The following PPP1CB variants were observed in gnomAD, a reference collection of about 807,000 sequenced individuals.
The protein encoded by PPP1CB is protein phosphatase 1 catalytic subunit beta.
A neutral mutation model predicts 43.7 loss-of-function variants in PPP1CB; 2 were observed. The observed-to-expected ratio is 0.05, with a 90% confidence interval of 0.02 to 0.14. The LOEUF (loss-of-function observed/expected upper bound fraction) is 0.14. PPP1CB is among the 10% of genes least tolerant of loss of function. PPP1CB has a pLI of 1.00. For synonymous variants in PPP1CB, 136 were observed against 135.6 expected, an observed-to-expected ratio of 1.00 and a Z score of -0.02; for missense variants, 84 against 398.0, an observed-to-expected ratio of 0.21 and a Z score of 6.71.
chr2:28,752,354 G>C (rs974412235), intron 1 of PPP1CB, among the ~76,000 whole-genome samples, 178 bp downstream of exon 1: 5 of 152,136 alleles, frequency 3.3e-5, no homozygotes, highest in African/African-American at 1.2e-4. Flanking sequence ...GCGGGGGAGC[G>C]GCCTCTGGGA....
At chr2:28,795,141 G>T (rs184670149) in intron 7 of PPP1CB, among the ~76,000 whole-genome samples, 1 of 152,294 alleles carries the variant, frequency 6.6e-6, no homozygotes, top group Non-Finnish European at 1.5e-5. Flanking sequence ...AAGGCCTCCA[G>T]CTGCATCCAT....
chr2:28,752,933 C>A (rs1347813654), intron 1 of PPP1CB, among the ~76,000 whole-genome samples: 1 of 152,170 alleles, frequency 6.6e-6, no homozygotes, highest in Non-Finnish European at 1.5e-5. Context: ...ATTTTTAAAG[C>A]CTGTCTTGTA....
At chr2:28,783,462 A>C (rs1667196289) in intron 4 of PPP1CB, among the ~76,000 whole-genome samples, 1 of 152,172 alleles carries the variant, frequency 6.6e-6, no homozygotes, top group Non-Finnish European at 1.5e-5. Flanking sequence ...GTTGCCCTTT[A>C]AGACATTAAA....
chr2:28,799,143 T>A (rs113619485), intron 7 of PPP1CB, 56 bp from the exon 8 acceptor site: 3 of 1,228,574 alleles, frequency 2.4e-6, no homozygotes, highest in Non-Finnish European at 3.5e-6. Context: ...TTGTAACAAT[T>A]TTCTTAACTT....
intron 5 of PPP1CB, among the ~76,000 whole-genome samples, chr2:28,784,738 A>G (rs1404664477): frequency 6.6e-6 from 1 of 151,692 alleles, no homozygotes; most frequent in Non-Finnish European, 1.5e-5. Flanking sequence ...GGCCAACGTG[A>G]TGAAACCCCA....
At chr2:28,798,817 AAGGTCTGAAGGGTTTGTGACTTGT>A (rs2148063711) in intron 7 of PPP1CB, among the ~76,000 whole-genome samples, 1 of 152,082 alleles carries the variant, frequency 6.6e-6, no homozygotes, top group East Asian at 1.9e-4. Flanking sequence ...ATAAATAAAT[AAGGTCTGAAGGGTTTGTGACTTGT>A]AGGTTAGTTA....
At chr2:28,797,618 A>T (rs1188145446) in intron 7 of PPP1CB, among the ~76,000 whole-genome samples, 1 of 152,044 alleles carries the variant, frequency 6.6e-6, no homozygotes, top group Non-Finnish European at 1.5e-5. Flanking sequence ...TAGGTTTCCT[A>T]GTTTGTGTGC....
chr2:28,788,832 G>T, intron 6 of PPP1CB, 23 bp downstream of exon 6: 1 of 1,563,724 alleles, frequency 6.4e-7, no homozygotes, highest in Non-Finnish European at 8.6e-7. Flanking sequence ...AAACTCTTAA[G>T]CTTTTTCTTT....
rs189146287 is a variant in PPP1CB, at chr2:28,764,384, C to T, written c.52+12208C>T. Reference sequence around the variant, plus strand: ...CTGAGGCAGGAGAATGGCGTGAACCCGGGAGGCAGAGCTTGCAGTGAGCTG... The same window carrying T: ...CTGAGGCAGGAGAATGGCGTGAACCTGGGAGGCAGAGCTTGCAGTGAGCTG... On this transcript the variant is annotated intron_variant, in intron 1 of 7. Coordinates refer to ENST00000395366, the MANE Select transcript of PPP1CB (RefSeq NM_002709.3). 5.8e-3 allele frequency among the ~76,000 whole-genome samples: 871 copies of T among 149,624 alleles called. 11 individuals are homozygous for T. The highest frequency in any genetic ancestry group is 0.02 in the African/African-American group (810 of 40,626).
intron 6 of PPP1CB, among the ~76,000 whole-genome samples, chr2:28,792,112 G>A (rs575765187): frequency 1.3e-5 from 2 of 152,054 alleles, no homozygotes; most frequent in South Asian, 2.1e-4. Flanking sequence ...AGGCTGAGGC[G>A]AGTGGATCAC....
At chr2:28,798,770 A>G (rs879815706) in intron 7 of PPP1CB, among the ~76,000 whole-genome samples, 6 of 152,078 alleles carry the variant, frequency 3.9e-5, no homozygotes, top group African/African-American at 1.4e-4. Context: ...ATTTATATCA[A>G]TAAAGCTGTT....
In PPP1CB at chr2:28,802,503, C is replaced by T. The variant is rs1288189997; in HGVS notation, c.*3200C>T. 6.6e-6 allele frequency: 1 copy of T among 152,152 alleles called. No individual in the cohort carries two copies. Among genetic ancestry groups the T allele is most frequent in the Non-Finnish European group, 1.5e-5 (1 of 68,030 alleles). The allele number at this position is 152,152 out of a possible 1,614,324, so 9.4% of individuals were successfully genotyped here. ...TGGCATCACTTAGAAGTAGGCTTTC[C>T]CTCTTCCTAGTAGATCTCAATGTTT... On this transcript the variant is annotated 3_prime_UTR_variant, in exon 8 of 8. Coordinates refer to ENST00000395366, the MANE Select transcript of PPP1CB (RefSeq NM_002709.3).
chr2:28,760,920 A>G (rs1440935841), intron 1 of PPP1CB, among the ~76,000 whole-genome samples: 1 of 152,068 alleles, frequency 6.6e-6, no homozygotes, highest in African/African-American at 2.4e-5. Flanking sequence ...CTTTTTTCCG[A>G]GATGGAGTCT....
chr2:28,795,797 T>C (rs1376996004), intron 7 of PPP1CB, among the ~76,000 whole-genome samples: 1 of 152,126 alleles, frequency 6.6e-6, no homozygotes, highest in Admixed American at 6.5e-5. Flanking sequence ...CTTTAGTTTA[T>C]TTTGGTCCCA....
intron 5 of PPP1CB, among the ~76,000 whole-genome samples, chr2:28,787,562 T>G (rs1172103158): frequency 6.6e-6 from 1 of 152,224 alleles, no homozygotes; most frequent in African/African-American, 2.4e-5. Flanking sequence ...AGTTGGACTT[T>G]TACCCACTCC....
chr2:28,763,845 A>G (rs908192855), intron 1 of PPP1CB, among the ~76,000 whole-genome samples: 25 of 152,102 alleles, frequency 1.6e-4, no homozygotes, highest in Admixed American at 1.3e-3. Flanking sequence ...ATCTGGGATT[A>G]CAGGTGCGCG....
chr2:28,797,795 TAA>T (rs1667528441), intron 7 of PPP1CB, among the ~76,000 whole-genome samples: 1 of 152,156 alleles, frequency 6.6e-6, no homozygotes, highest in Non-Finnish European at 1.5e-5. Flanking sequence ...TTTACATTTT[TAA>T]AAGAGGCCAG....
chr2:28,760,385 G>C (rs1170144303), intron 1 of PPP1CB, among the ~76,000 whole-genome samples: 1 of 152,110 alleles, frequency 6.6e-6, no homozygotes, highest in Non-Finnish European at 1.5e-5. Context: ...TATATACATT[G>C]TGCCTTTTCT....
chr2:28,772,726 A>G (rs1010476968), intron 1 of PPP1CB, among the ~76,000 whole-genome samples: 1 of 152,156 alleles, frequency 6.6e-6, no homozygotes, highest in Non-Finnish European at 1.5e-5. Context: ...TTTTTTTCAG[A>G]TTTTTGAGTA....
Sources: gnomAD v4.1 joint callset for allele counts (sites outside exome capture counted in the v4.1 genomes callset) on GRCh38, gnomAD v4.1.1 for gene constraint, MANE v1.5 for transcripts, NCBI Gene and HGNC (gene_info 2026-07-23, HGNC 2026-07-21) for gene names.